Variants in LRRC27 observed in about 807,000 individuals in gnomAD.
LRRC27 encodes the protein leucine-rich repeat-containing protein 27.
A neutral mutation model predicts 55.0 loss-of-function variants in LRRC27; 57 were observed. That is an observed-to-expected ratio of 1.04 (90% CI 0.84 to 1.29). The LOEUF is 1.29. LRRC27 is among the 50% of genes most tolerant of loss of function. LRRC27 has a pLI of 0.00. For synonymous variants in LRRC27, 278 were observed against 251.9 expected (o/e 1.10, Z -0.98); for missense variants, 721 against 651.5 (o/e 1.11, Z -1.16).
chr10:132,343,568 G>A (rs994356576), intron 4 of LRRC27, among the ~76,000 whole-genome samples: 7 of 152,350 alleles, frequency 4.6e-5, no homozygotes, highest in South Asian at 2.1e-4. Flanking sequence ...ATAAGGAAAC[G>A]AATTTCATTT....
At chr10:132,361,826 A>T (rs1196576625) in intron 9 of LRRC27, among the ~76,000 whole-genome samples, 1 of 151,890 alleles carries the variant, frequency 6.6e-6, no homozygotes, top group Non-Finnish European at 1.5e-5. Flanking sequence ...CAGGATACAG[A>T]GTGCTCCCGA....
chr10:132,346,742 G>GT (rs2067716626), intron 5 of LRRC27, among the ~76,000 whole-genome samples: 1 of 152,190 alleles, frequency 6.6e-6, no homozygotes, highest in South Asian at 2.1e-4. Flanking sequence ...ATGAATTTCA[G>GT]TTTTGTCCCT....
rs556706161 is a variant in LRRC27 at position 132,355,805 on chromosome 10, G to T, written c.1089G>T (p.Leu363=). Residue 363 remains leucine, a synonymous_variant, in exon 8 of 11, where the codon CTG becomes CTT. Transcript: ENST00000368614. ...MEQQRREKRA[L]QEWRERAQRM... ...CTTTCTCCAGAGAGAAAAGGGCACT[G>T]CAGGAGTGGAGAGAGCGAGCCCAGA... 3.2e-6 allele frequency: 5 copies of T among 1,554,146 alleles called. No individual in the cohort carries two copies. The East Asian group carries it at 9.7e-5, about 30-fold the overall frequency.
At position 132,352,099 on chromosome 10, in the gene LRRC27, TGCTGAGGCCTCCGTGTGGGGCAGGC is replaced by T. The variant is rs1466301887; in HGVS notation, c.1073+446_1073+470del. On this transcript the variant is annotated intron_variant, in intron 7 of 10. Transcript: ENST00000368614. ...GGTGCAGCGCTCCGTGTGGGGCAGA[TGCTGAGGCCTCCGTGTGGGGCAGGC>T]GCTGAGGCCTCCGTGTGGGGCAGGC... 5.0e-3 allele frequency among the ~76,000 whole-genome samples: 240 copies of T among 48,298 alleles called. 7 individuals carry two copies. The highest frequency in any genetic ancestry group is 0.015 in the Middle Eastern group (1 of 66). The allele number at this position is 48,298 out of a possible 152,430, so 31.7% of individuals were successfully genotyped here.
chr10:132,346,691 C>A (rs4880248), intron 5 of LRRC27, among the ~76,000 whole-genome samples: 56,674 of 151,832 alleles, frequency 0.37, 10,982 homozygotes, highest in East Asian at 0.49. Context: ...AAATAAAAGT[C>A]TTTTTGCTGT....
intron 9 of LRRC27, among the ~76,000 whole-genome samples, chr10:132,363,517 C>T (rs1017209441): frequency 1.3e-5 from 2 of 152,186 alleles, no homozygotes; most frequent in African/African-American, 2.4e-5. Flanking sequence ...CTCGCACCTC[C>T]CAGGCGTCCT....
At chr10:132,347,748 C>A (rs935678049) in intron 5 of LRRC27, among the ~76,000 whole-genome samples, 2 of 152,128 alleles carry the variant, frequency 1.3e-5, no homozygotes, top group Non-Finnish European at 2.9e-5. Flanking sequence ...AGGTGTGCTT[C>A]TGGCAGTGTT....
chr10:132,342,262 G>A lies in LRRC27; in HGVS notation c.391G>A (p.Val131Met). 1 of 1,543,134 alleles carries A rather than the reference G, an allele frequency of 6.5e-7. No homozygotes were observed. Among genetic ancestry groups the A allele is most frequent in the Non-Finnish European group, 8.8e-7 (1 of 1,139,218 alleles). The change falls in exon 4 of 11, where the codon GTG becomes ATG. Residue 131 changes from valine (V) to methionine (M), a missense_variant. Transcript: ENST00000368614. ...AAGAAATCCTATCAAAATGTTACCT[G>A]TGGAGCTGGGTAAGTATAAAATAAT... ...LERNPIKMLP[V>M]ELGSVTTLKA...
At chr10:132,342,778 G>A (rs984395363) in intron 4 of LRRC27, among the ~76,000 whole-genome samples, 19 of 152,136 alleles carry the variant, frequency 1.2e-4, no homozygotes, top group South Asian at 2.1e-4. Context: ...TAAATTTGTC[G>A]GACTAGTAGC....
At chr10:132,336,198 A>G (rs1049591164) in intron 2 of LRRC27, among the ~76,000 whole-genome samples, 5 of 151,656 alleles carry the variant, frequency 3.3e-5, no homozygotes, top group African/African-American at 1.2e-4. Context: ...AAAGCTGAGC[A>G]CTGGAATCAG....
Position 132,342,205 on chromosome 10 carries a change from CT to C in LRRC27, c.342-5del. On this transcript the variant is annotated splice_polypyrimidine_tract_variant and splice_region_variant and intron_variant, in intron 3 of 10. Transcript: ENST00000368614. ...TTTTAAATTTTTTTGTTTTGTTTTG[CT>C]TTAAAGGCATTTGAAAACTTTGCTT... 6.5e-7 allele frequency: 1 copy of C among 1,528,738 alleles called. No homozygotes were observed. Among genetic ancestry groups the C allele is most frequent in the South Asian group, 1.2e-5 (1 of 81,550 alleles). The allele number at this position is 1,528,738 out of a possible 1,614,324, so 94.7% of individuals were successfully genotyped here.
intron 7 of LRRC27, chr10:132,353,314 G>A (rs994081626): frequency 5.2e-6 from 6 of 1,148,040 alleles, no homozygotes; most frequent in Non-Finnish European, 5.4e-6. Context: ...GCTGCAGCCC[G>A]GCCCTGACTG....
chr10:132,361,018 G>A (rs994492813), intron 8 of LRRC27, among the ~76,000 whole-genome samples: 24 of 152,214 alleles, frequency 1.6e-4, no homozygotes, highest in Non-Finnish European at 3.4e-4. Flanking sequence ...ACATCACAGC[G>A]AGTGTTGGGT....
At chr10:132,331,613 G>T (rs1217876798), upstream of LRRC27, 1 of 1,612,896 alleles carries the variant, frequency 6.2e-7, no homozygotes, top group Non-Finnish European at 8.5e-7. Flanking sequence ...GAGCCCAGCG[G>T]GAAGGACAGG....
intron 9 of LRRC27, 114 bp from the exon 10 acceptor site, chr10:132,365,310 A>T: frequency 7.1e-7 from 1 of 1,417,494 alleles, no homozygotes; most frequent in South Asian, 1.2e-5. Flanking sequence ...GAGCCTCAGG[A>T]CCGCTGTTTG....
At chr10:132,339,558 G>A (rs1357297258) in intron 3 of LRRC27, among the ~76,000 whole-genome samples, 3 of 152,162 alleles carry the variant, frequency 2.0e-5, no homozygotes, top group East Asian at 1.9e-4. Flanking sequence ...CCGGCCAGCC[G>A]CTTGTGTTTT....
At chr10:132,364,124 G>A (rs902779531) in intron 9 of LRRC27, among the ~76,000 whole-genome samples, 4 of 151,998 alleles carry the variant, frequency 2.6e-5, no homozygotes, top group Non-Finnish European at 2.9e-5. Context: ...CACAGGGCAT[G>A]CCCTGACCTG....
chr10:132,331,936 AC>A (rs66639442), upstream of LRRC27: 12 of 366,242 alleles, frequency 3.3e-5, no homozygotes, highest in East Asian at 1.9e-4. Flanking sequence ...CGCAAGCGCA[AC>A]CCCCCGCCCC....
chr10:132,332,723 G>A (rs2066856102), intron 1 of LRRC27, among the ~76,000 whole-genome samples: 1 of 150,444 alleles, frequency 6.6e-6, no homozygotes, highest in African/African-American at 2.4e-5. Context: ...TCCCGGTGTC[G>A]CCTCTACCCC....
Sources: allele counts gnomAD v4.1 joint callset (sites outside exome capture counted in the v4.1 genomes callset), GRCh38; gene constraint gnomAD v4.1.1; transcripts MANE v1.5; gene names NCBI Gene and HGNC (gene_info 2026-07-23, HGNC 2026-07-21).